ADAMTS6: variants seen among roughly 807,000 people sequenced by gnomAD.
ADAMTS6 encodes the protein A disintegrin and metalloproteinase with thrombospondin motifs 6.
Under a neutral mutation model 144.3 loss-of-function variants are expected in ADAMTS6, and 23 were observed. The ratio of observed to expected loss-of-function variants is 0.16; its 90% CI spans 0.11 to 0.23. The LOEUF is 0.23. ADAMTS6 is among the 10% of genes least tolerant of loss of function. The pLI is 1.00. For synonymous variants in ADAMTS6, 444 were observed against 457.5 expected (o/e 0.97, Z 0.38); for missense variants, 999 against 1,379.6 (o/e 0.72, Z 4.37).
chr5:65,213,880 T>G (rs6871603), intron 20 of ADAMTS6, among the ~76,000 whole-genome samples: 50,511 of 152,092 alleles, frequency 0.33, 8,561 homozygotes, highest in Admixed American at 0.4. Context: ...TATTTAAAAT[T>G]TAATCTTTGC....
chr5:65,369,931 G>A (rs1362955149), intron 7 of ADAMTS6, among the ~76,000 whole-genome samples: 2 of 151,816 alleles, frequency 1.3e-5, no homozygotes, highest in African/African-American at 2.4e-5. Flanking sequence ...TAACTTCCTA[G>A]GGAAGTTATT....
intron 11 of ADAMTS6, among the ~76,000 whole-genome samples, chr5:65,274,787 C>T (rs533592872): frequency 1.3e-5 from 2 of 152,114 alleles, no homozygotes; most frequent in Non-Finnish European, 2.9e-5. Context: ...TGGGTTCAAG[C>T]GACTCTCTTG....
intron 7 of ADAMTS6, among the ~76,000 whole-genome samples, chr5:65,381,698 C>T (rs1340174365): frequency 6.6e-6 from 1 of 151,766 alleles, no homozygotes; most frequent in Non-Finnish European, 1.5e-5. Context: ...TGGATTATAC[C>T]ATTTTTGTTG....
intron 7 of ADAMTS6, among the ~76,000 whole-genome samples, chr5:65,446,502 G>C (rs1399637030): frequency 6.6e-6 from 1 of 152,230 alleles, no homozygotes; most frequent in Non-Finnish European, 1.5e-5. Flanking sequence ...TCTGTATTTT[G>C]AGATGTATTT....
chr5:65,192,523 C>G (rs10054698), intron 21 of ADAMTS6, among the ~76,000 whole-genome samples: 58,838 of 151,758 alleles, frequency 0.39, 11,498 homozygotes, highest in Admixed American at 0.48. Flanking sequence ...TGCAGAAATA[C>G]TCTTGCTATT....
At chr5:65,454,368 A>C (rs934812825) in intron 4 of ADAMTS6, among the ~76,000 whole-genome samples, 4 of 152,200 alleles carry the variant, frequency 2.6e-5, no homozygotes, top group Non-Finnish European at 5.9e-5. Context: ...ATACTCCTGA[A>C]ACTTCTAAGT....
chr5:65,230,352 T>C lies in ADAMTS6; in HGVS notation c.1934-4133A>G, dbSNP rs1193082548. Among the ~76,000 whole-genome samples, 4 of 81,624 alleles carry C rather than the reference T, an allele frequency of 4.9e-5. 1 individual carries two copies. The Admixed American group carries it at 5.4e-4, about 11-fold the overall frequency. 53.5% of individuals were successfully genotyped at this position (81,624 alleles called of 152,430 possible). On this transcript the variant is annotated intron_variant, in intron 15 of 24. Coordinates refer to ENST00000381055, the MANE Select transcript of ADAMTS6 (RefSeq NM_197941.4). ...CATTATATATATGAAATATATATAATACATTATATATGAAATATATATAAT... is the reference window on the plus strand; with the variant it reads ...CATTATATATATGAAATATATATAACACATTATATATGAAATATATATAAT...
intron 7 of ADAMTS6, among the ~76,000 whole-genome samples, chr5:65,384,582 G>A (rs1436555012): frequency 6.6e-6 from 1 of 152,046 alleles, no homozygotes; most frequent in Admixed American, 6.5e-5. Context: ...ATCCGTATTT[G>A]TACCAATATT....
chr5:65,216,684 T>C (rs1174651787), intron 18 of ADAMTS6, among the ~76,000 whole-genome samples: 1 of 151,990 alleles, frequency 6.6e-6, no homozygotes. Context: ...TTTTTTCTCA[T>C]AATATTGTGT....
chr5:65,456,013 CATAT>C, intron 4 of ADAMTS6, among the ~76,000 whole-genome samples: 1 of 150,614 alleles, frequency 6.6e-6, no homozygotes, highest in Admixed American at 6.6e-5. Flanking sequence ...TTATATATAT[CATAT>C]ATAATTATAT....
chr5:65,229,435 G>A (rs888927025), intron 15 of ADAMTS6, among the ~76,000 whole-genome samples: 3 of 152,010 alleles, frequency 2.0e-5, no homozygotes, highest in Non-Finnish European at 4.4e-5. Context: ...AAAGAAACAT[G>A]GTAATATTCC....
chr5:65,374,207 G>T (rs1751277104), intron 7 of ADAMTS6, among the ~76,000 whole-genome samples: 1 of 152,154 alleles, frequency 6.6e-6, no homozygotes, highest in Admixed American at 6.5e-5. Flanking sequence ...ACAAGACAGG[G>T]ATGGCCTCTC....
chr5:65,158,725 G>A (rs1752574652), intron 24 of ADAMTS6, among the ~76,000 whole-genome samples: 1 of 152,184 alleles, frequency 6.6e-6, no homozygotes, highest in Non-Finnish European at 1.5e-5. Flanking sequence ...AGTCTGTCAA[G>A]ATCATGCCTA....
intron 14 of ADAMTS6, among the ~76,000 whole-genome samples, chr5:65,253,712 G>A (rs1218667754): frequency 6.8e-6 from 1 of 146,116 alleles, no homozygotes; most frequent in Non-Finnish European, 1.5e-5. Context: ...AAGCATCAAA[G>A]TTAATTTAAA....
At chr5:65,350,840 G>A (rs931121639) in intron 7 of ADAMTS6, among the ~76,000 whole-genome samples, 1 of 152,056 alleles carries the variant, frequency 6.6e-6, no homozygotes, top group African/African-American at 2.4e-5. Flanking sequence ...GAGAGACAGG[G>A]TCTCACCATG....
At chr5:65,215,112 T>A (rs926527721) in intron 19 of ADAMTS6, among the ~76,000 whole-genome samples, 180 bp from the exon 20 acceptor site, 2 of 152,218 alleles carry the variant, frequency 1.3e-5, no homozygotes, top group African/African-American at 4.8e-5. Context: ...GAGCCATTGC[T>A]TTCATCTGTC....
intron 3 of ADAMTS6, among the ~76,000 whole-genome samples, chr5:65,467,746 T>A (rs1165036091): frequency 6.6e-6 from 1 of 152,162 alleles, no homozygotes; most frequent in Non-Finnish European, 1.5e-5. Context: ...AAACTTTACT[T>A]TCCAGTCGCT....
chr5:65,233,963 A>C (rs1309222651), intron 15 of ADAMTS6, among the ~76,000 whole-genome samples: 1 of 151,948 alleles, frequency 6.6e-6, no homozygotes, highest in African/African-American at 2.4e-5. Context: ...TTAAGCCTGA[A>C]AATAAGCCCA....
chr5:65,160,767 C>A (rs992804948), intron 24 of ADAMTS6, among the ~76,000 whole-genome samples: 2 of 151,518 alleles, frequency 1.3e-5, no homozygotes, highest in Non-Finnish European at 2.9e-5. Context: ...ATTCTCCTGC[C>A]TCAGCCTCCC....
Sources: allele counts gnomAD v4.1 joint callset (sites outside exome capture counted in the v4.1 genomes callset), GRCh38; gene constraint gnomAD v4.1.1; transcripts MANE v1.5; gene names NCBI Gene and HGNC (gene_info 2026-07-23, HGNC 2026-07-21).